Variants in PPP2R2B observed in about 807,000 individuals in gnomAD.
PPP2R2B encodes the protein serine/threonine-protein phosphatase 2A 55 kDa regulatory subunit B beta isoform.
PPP2R2B carries 5 observed loss-of-function variants against 46.0 expected under a neutral mutation model. The ratio of observed to expected loss-of-function variants is 0.11; its 90% CI spans 0.06 to 0.23. The LOEUF (loss-of-function observed/expected upper bound fraction) is 0.23. Among genes scored for constraint, PPP2R2B ranks in the 10% least tolerant of loss-of-function variants. PPP2R2B has a pLI of 1.00. For synonymous variants in PPP2R2B, 215 were observed against 206.7 expected (o/e 1.04, Z -0.34); for missense variants, 367 against 575.0 (o/e 0.64, Z 3.70).
chr5:146,713,993 C>G (rs1393373533), intron 2 of PPP2R2B, among the ~76,000 whole-genome samples: 1 of 151,908 alleles, frequency 6.6e-6, no homozygotes, highest in Non-Finnish European at 1.5e-5. Context: ...GCAACAAGAC[C>G]AGATGAGGTC....
chr5:146,706,302 A>G (rs1324996990), intron 2 of PPP2R2B: 3 of 537,602 alleles, frequency 5.6e-6, no homozygotes, highest in Non-Finnish European at 1.0e-5. Flanking sequence ...CGGCTGAAGG[A>G]GCTGGAACCT....
chr5:146,700,103 CTTT>C (rs1779443522), intron 3 of PPP2R2B, among the ~76,000 whole-genome samples: 1 of 152,084 alleles, frequency 6.6e-6, no homozygotes, highest in East Asian at 1.9e-4. Flanking sequence ...TGAGGCTTTC[CTTT>C]TTTGAGGGGA....
chr5:146,818,531 C>T (rs1454010018), intron 2 of PPP2R2B, among the ~76,000 whole-genome samples: 4 of 152,148 alleles, frequency 2.6e-5, no homozygotes, highest in Non-Finnish European at 2.9e-5. Flanking sequence ...ATTGAAGAAA[C>T]ATCACCAACA....
chr5:146,983,361 T>C (rs1278746751), intron 1 of PPP2R2B, among the ~76,000 whole-genome samples: 1 of 151,896 alleles, frequency 6.6e-6, no homozygotes, highest in Non-Finnish European at 1.5e-5. Context: ...TTTGTATTTT[T>C]AGTAGAGACG....
chr5:146,998,612 G>T (rs1754026302), intron 1 of PPP2R2B, among the ~76,000 whole-genome samples: 1 of 152,178 alleles, frequency 6.6e-6, no homozygotes, highest in African/African-American at 2.4e-5. Flanking sequence ...TGTGAGTCAA[G>T]TCTCCTTTGG....
At chr5:146,872,969 GATGTTTA>G in intron 2 of PPP2R2B, among the ~76,000 whole-genome samples, 1 of 152,242 alleles carries the variant, frequency 6.6e-6, no homozygotes, top group East Asian at 1.9e-4. Context: ...ATATGCTGGT[GATGTTTA>G]ATCTCAAATT....
chr5:147,012,900 A>C (rs185487982), intron 1 of PPP2R2B, among the ~76,000 whole-genome samples: 301 of 152,158 alleles, frequency 2.0e-3, no homozygotes, highest in African/African-American at 7.0e-3. Context: ...TTGAGTGAGA[A>C]TCTTAATCCT....
At chr5:146,718,902 A>C (rs1028908586) in intron 2 of PPP2R2B, among the ~76,000 whole-genome samples, 1 of 152,224 alleles carries the variant, frequency 6.6e-6, no homozygotes, top group Non-Finnish European at 1.5e-5. Flanking sequence ...GCCTGGAATT[A>C]GCAAAGTGAT....
At chr5:146,945,746 C>T (rs1016220394) in intron 1 of PPP2R2B, among the ~76,000 whole-genome samples, 7 of 152,138 alleles carry the variant, frequency 4.6e-5, no homozygotes, top group Admixed American at 3.9e-4. Flanking sequence ...ATTGTGTGCA[C>T]ATAAGTCTAA....
At chr5:147,046,478 C>A (rs1357495508) in intron 1 of PPP2R2B, among the ~76,000 whole-genome samples, 1 of 152,164 alleles carries the variant, frequency 6.6e-6, no homozygotes, top group Non-Finnish European at 1.5e-5. Flanking sequence ...AACTAATGAG[C>A]CAGTCCCTCT....
At chr5:146,606,809 G>A (rs1357034746) in intron 7 of PPP2R2B, among the ~76,000 whole-genome samples, 1 of 152,118 alleles carries the variant, frequency 6.6e-6, no homozygotes, top group Non-Finnish European at 1.5e-5. Context: ...TCATTTCAAT[G>A]TCACCCCCAC....
At chr5:146,879,891 A>G (rs1762106992), upstream of PPP2R2B, among the ~76,000 whole-genome samples, 1 of 152,220 alleles carries the variant, frequency 6.6e-6, no homozygotes, top group Non-Finnish European at 1.5e-5. Flanking sequence ...AGGGAGAGAC[A>G]TCAGCAAATG....
intron 2 of PPP2R2B, among the ~76,000 whole-genome samples, chr5:146,861,628 T>TA (rs1761007425): frequency 6.6e-6 from 1 of 152,248 alleles, no homozygotes; most frequent in Non-Finnish European, 1.5e-5. Context: ...TTTTATTATA[T>TA]AAACAATGTA....
At chr5:147,017,422 G>T (rs1412770375) in intron 1 of PPP2R2B, among the ~76,000 whole-genome samples, 1 of 151,500 alleles carries the variant, frequency 6.6e-6, no homozygotes, top group Non-Finnish European at 1.5e-5. Flanking sequence ...GGAGAGATTC[G>T]AGCTGGAGAT....
chr5:146,741,531 ACT>A (rs1360757169), intron 2 of PPP2R2B, among the ~76,000 whole-genome samples: 1 of 151,902 alleles, frequency 6.6e-6, no homozygotes, highest in African/African-American at 2.4e-5. Flanking sequence ...GGATTTTTCT[ACT>A]CTCTCACCCC....
At chr5:146,622,125 T>TATCTA (rs1367320982) in intron 7 of PPP2R2B, among the ~76,000 whole-genome samples, 1 of 152,232 alleles carries the variant, frequency 6.6e-6, no homozygotes, top group African/African-American at 2.4e-5. Flanking sequence ...TTGTAGGTAT[T>TATCTA]ATCTACTGAC....
intron 1 of PPP2R2B, among the ~76,000 whole-genome samples, chr5:146,999,282 T>C (rs1197950328): frequency 6.6e-6 from 1 of 152,116 alleles, no homozygotes; most frequent in Non-Finnish European, 1.5e-5. Context: ...ATAAAGAGGA[T>C]GATACTAAGG....
At chr5:146,917,377 T>C (rs1368040502) in intron 1 of PPP2R2B, among the ~76,000 whole-genome samples, 4 of 152,236 alleles carry the variant, frequency 2.6e-5, no homozygotes, top group Non-Finnish European at 4.4e-5. Flanking sequence ...ACTGCCATTA[T>C]CTATGTTTGT....
chr5:147,048,626 C>T (rs1756648104), intron 1 of PPP2R2B, among the ~76,000 whole-genome samples: 1 of 152,030 alleles, frequency 6.6e-6, no homozygotes, highest in African/African-American at 2.4e-5. Context: ...AGGTGTTTTA[C>T]AACACTTTTT....
Sources: gnomAD v4.1 joint callset for allele counts (sites outside exome capture counted in the v4.1 genomes callset) on GRCh38, gnomAD v4.1.1 for gene constraint, MANE v1.5 for transcripts, NCBI Gene and HGNC (gene_info 2026-07-23, HGNC 2026-07-21) for gene names.